The following ZNF350 variants were observed in gnomAD, a reference collection of about 807,000 sequenced individuals.
ZNF350 encodes the protein KRAB zinc finger protein ZFQR.
Under a neutral mutation model 13.1 loss-of-function variants are expected in ZNF350, and 5 were observed. The observed-to-expected ratio is 0.38, with a 90% CI of 0.20 to 0.80. ZNF350 has a LOEUF of 0.80. ZNF350 is among the 30% of genes least tolerant of loss of function. The pLI is 0.43. For missense variants in ZNF350, 534 were observed against 644.2 expected (o/e 0.83, Z 1.85); for synonymous variants, 199 against 224.2 (o/e 0.89, Z 1.00).
intron 2 of ZNF350, chr19:51,973,985 G>A: frequency 5.9e-6 from 1 of 170,788 alleles, no homozygotes; most frequent in Non-Finnish European, 1.3e-5. Flanking sequence ...ATGAAATAAT[G>A]GCAACCCCCA....
chr19:51,978,715 CG>C (rs1209916092), intron 1 of ZNF350, among the ~76,000 whole-genome samples: 1 of 152,056 alleles, frequency 6.6e-6, no homozygotes, highest in Admixed American at 6.5e-5. Flanking sequence ...AACATTACAA[CG>C]CATGTTGAAA....
intron 1 of ZNF350, among the ~76,000 whole-genome samples, chr19:51,979,396 C>A (rs1233102481): frequency 1.3e-5 from 2 of 152,120 alleles, no homozygotes; most frequent in African/African-American, 2.4e-5. Flanking sequence ...GGCTCCAGGA[C>A]CCCTAACTCC....
At position 51,965,932 on chromosome 19, in the gene ZNF350, G is replaced by A; in HGVS notation, c.521C>T (p.Thr174Ile). Residue 174 changes from threonine to isoleucine, a missense_variant, in exon 5 of 5, where the codon ACT becomes ATT. Thr to Ile is a moderately conservative substitution (Grantham distance 89). Transcript: ENST00000243644. ...FLHANHERLH[T>I]AIKFPASQKL... ...TTGACTTGCAGGGAATTTAATTGCA[G>A]TATGAAGTCGTTCATGGTTAGCATG... 1 of 1,614,044 alleles carries A rather than the reference G, an allele frequency of 6.2e-7. No individual in the cohort carries two copies. Among genetic ancestry groups the A allele is most frequent in the Non-Finnish European group, 8.5e-7 (1 of 1,180,032 alleles).
At position 51,965,967 on chromosome 19, in the gene ZNF350, G is replaced by A. The variant is rs750220905; in HGVS notation, c.486C>T (p.Asp162=). The change falls in exon 5 of 5, where the codon GAC becomes GAT. Residue 162 remains aspartate, a synonymous_variant. Coordinates refer to ENST00000243644, the MANE Select transcript of ZNF350 (RefSeq NM_021632.4). ...GTTCATGGTTAGCATGAAGAAAGGA[G>A]TCCCCATTTCCAGTAAACTCAACAG... ...KNSVEFTGNG[D]SFLHANHERL... The A allele has an allele frequency of 3.7e-6, 6 of 1,614,066 alleles. No homozygotes were observed. Among genetic ancestry groups the A allele is most frequent in the Admixed American group, 1.7e-5 (1 of 60,030 alleles).
chr19:51,984,696 C>T (rs936340708), intron 1 of ZNF350, among the ~76,000 whole-genome samples: 1 of 152,012 alleles, frequency 6.6e-6, no homozygotes, highest in Non-Finnish European at 1.5e-5. Context: ...TGATAGAAAA[C>T]CTATTATACC....
chr19:51,972,522 C>G (rs1416135386), intron 2 of ZNF350, among the ~76,000 whole-genome samples: 1 of 152,016 alleles, frequency 6.6e-6, no homozygotes, highest in East Asian at 1.9e-4. Context: ...GTTCTTCAAT[C>G]ATTTGCAATC....
chr19:51,978,118 T>C (rs1392278239), intron 1 of ZNF350, among the ~76,000 whole-genome samples: 1 of 152,136 alleles, frequency 6.6e-6, no homozygotes, highest in African/African-American at 2.4e-5. Context: ...ACCCCATTGG[T>C]AAATGAGATG....
chr19:51,965,873 G>A lies in ZNF350; in HGVS notation c.580C>T (p.Pro194Ser), dbSNP rs749586429. The A allele has an allele frequency of 6.2e-7, 1 of 1,614,104 alleles. No individual in the cohort carries two copies. Among genetic ancestry groups the A allele is most frequent in the Non-Finnish European group, 8.5e-7 (1 of 1,180,034 alleles). Residue 194 changes from proline to serine, a missense_variant, in exon 5 of 5, where the codon CCC becomes TCC. Transcript: ENST00000243644. ...LISTKSQFIS[P>S]KHQKTRKLEK... ...AATTTTCGTGTTTTCTGATGCTTGG[G>A]ACTGATGAATTGGGACTTAGTGCTG...
intron 2 of ZNF350, chr19:51,974,085 A>C: frequency 3.1e-6 from 1 of 319,906 alleles, no homozygotes; most frequent in Non-Finnish European, 5.8e-6. Context: ...ATTAGATGCA[A>C]GCTGACAGCT....
intron 1 of ZNF350, among the ~76,000 whole-genome samples, chr19:51,978,465 T>C (rs761807752): frequency 5.8e-4 from 88 of 152,334 alleles, no homozygotes; most frequent in Middle Eastern, 3.4e-3. Context: ...TTTGGGTTTT[T>C]GAACTGGGAG....
At chr19:51,970,211 G>A (rs891484576) in intron 2 of ZNF350, among the ~76,000 whole-genome samples, 5 of 151,672 alleles carry the variant, frequency 3.3e-5, no homozygotes, top group South Asian at 2.1e-4. Flanking sequence ...ACAGGTGCCC[G>A]CCACCACAAC....
At chr19:51,972,510 A>G (rs1227699805) in intron 2 of ZNF350, among the ~76,000 whole-genome samples, 1 of 152,072 alleles carries the variant, frequency 6.6e-6, no homozygotes, top group Non-Finnish European at 1.5e-5. Context: ...TATATAATTA[A>G]TGTTCTTCAA....
At chr19:51,967,890 A>C (rs1336861599) in intron 4 of ZNF350, among the ~76,000 whole-genome samples, 1 of 152,174 alleles carries the variant, frequency 6.6e-6, no homozygotes, top group Non-Finnish European at 1.5e-5. Flanking sequence ...CTAGGAACTC[A>C]GGGGAGAGTT....
intron 1 of ZNF350, chr19:51,981,787 C>G (rs1343867534): frequency 1.3e-5 from 2 of 152,052 alleles, no homozygotes; most frequent in African/African-American, 4.8e-5. Flanking sequence ...CATATGTATA[C>G]CCCTAACAAC....
Position 51,965,856 on chromosome 19 carries a change from T to A in ZNF350, c.597A>T (p.Thr199=). ...SQFISPKHQK[T]RKLEKHHVCS... is the part of the protein sequence containing the mutation. ...ACACATGATGCTTCTCTAATTTTCG[T>A]GTTTTCTGATGCTTGGGACTGATGA... Residue 199 remains threonine (T), a synonymous_variant, in exon 5 of 5, where the codon ACA becomes ACT. Coordinates refer to ENST00000243644, the MANE Select transcript of ZNF350 (RefSeq NM_021632.4). The A allele has an allele frequency of 6.2e-7, 1 of 1,614,156 alleles. No homozygotes were observed. The highest frequency in any genetic ancestry group is 8.5e-7 in the Non-Finnish European group (1 of 1,180,024).
intron 1 of ZNF350, among the ~76,000 whole-genome samples, chr19:51,985,264 G>T (rs1368706875): frequency 6.6e-6 from 1 of 152,148 alleles, no homozygotes; most frequent in Non-Finnish European, 1.5e-5. Flanking sequence ...GAATTTTACA[G>T]GTGGGTAATA....
Position 51,969,071 on chromosome 19 carries a change from C to T in ZNF350, c.76G>A (p.Gly26Ser), listed in dbSNP as rs1209340510. The T allele has an allele frequency of 1.2e-6, 2 of 1,614,076 alleles. No homozygotes were observed. The highest frequency in any genetic ancestry group is 1.7e-5 in the Admixed American group (1 of 60,022). Reference protein sequence around the residue: ...DFTWEEWQLLGAAQKDLYRDV... With the variant: ...DFTWEEWQLLSAAQKDLYRDV... Reference sequence around the variant, plus strand: ...CGGTACAGGTCCTTCTGAGCAGCGCCCAGGAGTTGCCACTCCTCCCAAGTG... The same window carrying T: ...CGGTACAGGTCCTTCTGAGCAGCGCTCAGGAGTTGCCACTCCTCCCAAGTG... The change falls in exon 3 of 5, where the codon GGC (glycine) becomes AGC (serine). Residue 26 changes from glycine to serine, a missense_variant. Transcript: ENST00000243644.
At chr19:51,977,788 C>T (rs1041640589) in intron 1 of ZNF350, among the ~76,000 whole-genome samples, 21 of 152,126 alleles carry the variant, frequency 1.4e-4, no homozygotes, top group African/African-American at 5.1e-4. Context: ...GTGAGGTGTA[C>T]AAAAAACTTG....
chr19:51,983,282 CT>C (rs2086094692), intron 1 of ZNF350, among the ~76,000 whole-genome samples: 2 of 152,172 alleles, frequency 1.3e-5, no homozygotes, highest in Admixed American at 1.3e-4. Context: ...CCAAGAAAGC[CT>C]GGGTATTGTC....
Sources: gnomAD v4.1 joint callset for allele counts (sites outside exome capture counted in the v4.1 genomes callset) on GRCh38, gnomAD v4.1.1 for gene constraint, MANE v1.5 for transcripts, NCBI Gene and HGNC (gene_info 2026-07-23, HGNC 2026-07-21) for gene names.